TMEM59L: variants seen among roughly 807,000 people sequenced by gnomAD.
The protein encoded by TMEM59L is transmembrane protein 59-like.
In TMEM59L, 31 loss-of-function variants were observed where a neutral mutation model predicts 39.6. The observed-to-expected ratio is 0.78, with a 90% CI of 0.59 to 1.06. The LOEUF is 1.06. Ranked by LOEUF, TMEM59L falls within the 50% of genes least tolerant of loss-of-function variation. The pLI, the probability that TMEM59L is intolerant of heterozygous loss-of-function variation, is 0.00. For missense variants in TMEM59L, 441 were observed against 451.3 expected (o/e 0.98, Z 0.21); for synonymous variants, 219 against 202.9 (o/e 1.08, Z -0.68).
chr19:18,613,126 G>T lies in TMEM59L; in HGVS notation c.168G>T (p.Ser56=). The T allele has an allele frequency of 3.9e-6, 5 of 1,289,454 alleles. No homozygotes were observed. In the South Asian group the frequency reaches 7.6e-5, roughly 19 times the overall value. The allele number at this position is 1,289,454 out of a possible 1,614,324, so 79.9% of individuals were successfully genotyped here. ...CRDRDLGPQP[S]QAGLEGASES... ...ACCGCGACCTCGGCCCGCAGCCCTC[G>T]CAGGTGAGGCGCGTGCGGTGCCAGG... is the stretch of plus-strand genomic sequence containing the variant. The change falls in exon 1 of 8, where the codon TCG becomes TCT. Residue 56 remains serine, a synonymous_variant. Coordinates refer to ENST00000262817, the MANE Select transcript of TMEM59L (RefSeq NM_012109.3).
At chr19:18,618,589 G>A (rs2145351082) in intron 7 of TMEM59L, 97 bp downstream of exon 7, 3 of 1,076,020 alleles carry the variant, frequency 2.8e-6, no homozygotes, top group South Asian at 1.4e-5. Context: ...CTCCCATGGA[G>A]GCCAGGACCT....
At chr19:18,615,252 G>A (rs1976415274) in intron 3 of TMEM59L, among the ~76,000 whole-genome samples, 1 of 152,142 alleles carries the variant, frequency 6.6e-6, no homozygotes, top group Admixed American at 6.6e-5. Flanking sequence ...CAAAGTGCTG[G>A]GATTACAGGC....
At position 18,613,869 on chromosome 19, in the gene TMEM59L, C is replaced by A. The variant is rs576254642; in HGVS notation, c.172-3C>A. ...CTGAGCCCCCTGTCCTCCCCTCCCC[C>A]AGGCGGGGCTGGAGGGCGCCTCCGA... On this transcript the variant is annotated splice_region_variant and splice_polypyrimidine_tract_variant and intron_variant, in intron 1 of 7. Transcript: ENST00000262817. 10 of 1,610,258 alleles carry A rather than the reference C, an allele frequency of 6.2e-6. No individual in the cohort carries two copies. Among genetic ancestry groups the A allele is most frequent in the Non-Finnish European group, 8.5e-6 (10 of 1,178,982 alleles).
At chr19:18,616,861 C>T in intron 4 of TMEM59L, 139 bp from the exon 5 acceptor site, 2 of 675,898 alleles carry the variant, frequency 3.0e-6, no homozygotes, top group South Asian at 1.8e-5. Context: ...AAACAACATC[C>T]CTGACATCAA....
chr19:18,620,350 G>A (rs1037135522), intron 7 of TMEM59L, 58 bp from the exon 8 acceptor site: 13 of 1,516,122 alleles, frequency 8.6e-6, no homozygotes, highest in Admixed American at 1.9e-5. Flanking sequence ...GACAGTCAGG[G>A]TTGGGGGCTC....
At chr19:18,617,339 T>C (rs1185651084) in intron 5 of TMEM59L, 4 of 625,340 alleles carry the variant, frequency 6.4e-6, no homozygotes, top group Non-Finnish European at 1.2e-5. Flanking sequence ...GTGGTCCATC[T>C]CCCCGGGTTC....
chr19:18,618,977 G>C (rs1404648976), intron 7 of TMEM59L, among the ~76,000 whole-genome samples: 1 of 151,492 alleles, frequency 6.6e-6, no homozygotes, highest in Non-Finnish European at 1.5e-5. Flanking sequence ...TTACAGGCGT[G>C]ACCCACCGCG....
chr19:18,613,389 A>G (rs1976391729), intron 1 of TMEM59L, among the ~76,000 whole-genome samples: 1 of 151,864 alleles, frequency 6.6e-6, no homozygotes, highest in Non-Finnish European at 1.5e-5. Context: ...TCTGCTGGGT[A>G]AGGACCCTCT....
chr19:18,618,524 A>C (rs964146212), intron 7 of TMEM59L, 32 bp downstream of exon 7: 1 of 1,581,546 alleles, frequency 6.3e-7, no homozygotes. Context: ...CGCTGGGCCG[A>C]GGGAGGGGGT....
intron 7 of TMEM59L, 91 bp downstream of exon 7, chr19:18,618,583 C>T: frequency 1.4e-5 from 16 of 1,173,588 alleles, no homozygotes; most frequent in Non-Finnish European, 2.0e-5. Flanking sequence ...CACCTGCTCC[C>T]ATGGAGGCCA....
Position 18,616,981 on chromosome 19 carries a change from T to G in TMEM59L, c.562-19T>G. 6.3e-7 allele frequency: 1 copy of G among 1,583,356 alleles called. No individual in the cohort carries two copies. Among genetic ancestry groups the G allele is most frequent in the Non-Finnish European group, 8.6e-7 (1 of 1,160,066 alleles). On this transcript the variant is annotated intron_variant, in intron 4 of 7. Coordinates refer to ENST00000262817, the MANE Select transcript of TMEM59L (RefSeq NM_012109.3). ...GCTGTTCTCACAAGCCTCTCTGTGC[T>G]GTCTTGTTCCTGGCCCAGACTCAGC...
rs80002172 is a variant in TMEM59L at position 18,620,979 on chromosome 19, C to A, written c.*443C>A. 5,630 of 156,646 alleles carry A rather than the reference C, an allele frequency of 0.036. 348 individuals carry two copies. The highest frequency in any genetic ancestry group is 0.13 in the African/African-American group (5,363 of 41,634). 9.7% of individuals were successfully genotyped at this position (156,646 alleles called of 1,614,324 possible). A position where few individuals can be genotyped will look rare whatever the true frequency, so the allele number is the denominator to read the frequency against. On this transcript the variant is annotated 3_prime_UTR_variant, in exon 8 of 8. Coordinates refer to ENST00000262817, the MANE Select transcript of TMEM59L (RefSeq NM_012109.3). ...ACAGGGTGTGGGCATCTCCATGCCCCTATAAAGCGTGCCTGGGGCTTGTCT... is the reference window on the plus strand; with the variant it reads ...ACAGGGTGTGGGCATCTCCATGCCCATATAAAGCGTGCCTGGGGCTTGTCT...
At chr19:18,613,626 G>A (rs1417718425) in intron 1 of TMEM59L, among the ~76,000 whole-genome samples, 1 of 152,026 alleles carries the variant, frequency 6.6e-6, no homozygotes, top group Non-Finnish European at 1.5e-5. Context: ...CTGGAACCTA[G>A]TGGGGGGAAG....
At chr19:18,618,077 C>A in intron 5 of TMEM59L, 78 bp from the exon 6 acceptor site, 2 of 1,108,570 alleles carry the variant, frequency 1.8e-6, no homozygotes, top group Non-Finnish European at 1.4e-6. Flanking sequence ...CAGGTCCTGA[C>A]CTCCTCCCTC....
chr19:18,613,631 G>A (rs945124376), intron 1 of TMEM59L, among the ~76,000 whole-genome samples: 3 of 152,036 alleles, frequency 2.0e-5, no homozygotes, highest in African/African-American at 7.2e-5. Context: ...ACCTAGTGGG[G>A]GGAAGGCTCA....
intron 5 of TMEM59L, chr19:18,617,838 A>G: frequency 2.4e-6 from 1 of 424,646 alleles, no homozygotes; most frequent in Non-Finnish European, 4.4e-6. Flanking sequence ...TCCATCTCCC[A>G]GGGTTCCATG....
rs763018597 is a variant in TMEM59L at position 18,616,006 on chromosome 19, T to C, written c.440T>C (p.Leu147Pro). ...GTCCTGGAGGCTCCAAGTGGGGCCC[T>C]CTCCCTCTTGGACTTGTTTTCCACC... is the stretch of plus-strand genomic sequence containing the variant. Reference protein sequence around the residue: ...RKVLEAPSGALSLLDLFSTLC... With the variant: ...RKVLEAPSGAPSLLDLFSTLC... The change falls in exon 4 of 8, where the codon CTC becomes CCC. Residue 147 changes from leucine to proline, a missense_variant. Physicochemically the swap from Leu to Pro is moderately conservative, Grantham distance 98 (BLOSUM62 -3). Coordinates refer to ENST00000262817, the MANE Select transcript of TMEM59L (RefSeq NM_012109.3). 1.4e-5 allele frequency: 23 copies of C among 1,613,944 alleles called. No homozygotes were observed. In the South Asian group the frequency reaches 2.0e-4, roughly 14 times the overall value.
Position 18,618,291 on chromosome 19 carries a change from G to T in TMEM59L, c.782+19G>T. 1 of 1,005,798 alleles carries T rather than the reference G, an allele frequency of 9.9e-7. No individual in the cohort carries two copies. The highest frequency in any genetic ancestry group is 1.5e-6 in the Non-Finnish European group (1 of 663,910). 62.3% of individuals were successfully genotyped at this position (1,005,798 alleles called of 1,614,324 possible). The stretch of plus-strand genomic sequence containing the variant: ...TGTCCCGGTGGGTGGCAGGACCTTG[G>T]GGGTGGGAGGGGGGTGGGACTGGAG... On this transcript the variant is annotated intron_variant, in intron 6 of 7. Coordinates refer to ENST00000262817, the MANE Select transcript of TMEM59L (RefSeq NM_012109.3).
intron 1 of TMEM59L, 94 bp from the exon 2 acceptor site, chr19:18,613,778 G>A: frequency 1.0e-6 from 1 of 986,276 alleles, no homozygotes; most frequent in Non-Finnish European, 1.5e-6. Context: ...GGGGAGCGGG[G>A]AAGCCTTTCC....
Sources: gnomAD v4.1 joint callset for allele counts (sites outside exome capture counted in the v4.1 genomes callset) on GRCh38, gnomAD v4.1.1 for gene constraint, MANE v1.5 for transcripts, NCBI Gene and HGNC (gene_info 2026-07-23, HGNC 2026-07-21) for gene names.